Variants in RPP14 observed in about 807,000 individuals in gnomAD.
The protein encoded by RPP14 is ribonuclease P protein subunit p14.
Under a neutral mutation model 17.8 loss-of-function variants are expected in RPP14, and 19 were observed. That is an observed-to-expected ratio of 1.07 (90% CI 0.74 to 1.57). RPP14 has a LOEUF of 1.57. Ranked by LOEUF, RPP14 falls within the 40% of genes most tolerant of loss-of-function variation. The pLI, the probability that RPP14 is intolerant of heterozygous loss-of-function variation, is 0.00. For missense variants in RPP14, 125 were observed against 140.8 expected (o/e 0.89, Z 0.57); for synonymous variants, 60 against 56.4 (o/e 1.06, Z -0.29).
At chr3:58,308,720 A>T (rs2107498857) in intron 1 of RPP14, among the ~76,000 whole-genome samples, 1 of 152,338 alleles carries the variant, frequency 6.6e-6, no homozygotes, top group African/African-American at 2.4e-5. Context: ...ACCTTGGATA[A>T]GTCCCTTTCC....
intron 5 of RPP14, 120 bp from the exon 6 acceptor site, chr3:58,317,320 G>A (rs995077697): frequency 2.1e-5 from 14 of 669,518 alleles, no homozygotes; most frequent in Non-Finnish European, 3.7e-5. Context: ...CTCTCAGGAT[G>A]CTCTGTAAAA....
At chr3:58,307,035 C>G (rs548212959) in intron 1 of RPP14, among the ~76,000 whole-genome samples, 11 of 152,244 alleles carry the variant, frequency 7.2e-5, no homozygotes, top group Admixed American at 1.3e-4. Context: ...GGTGTGAGTC[C>G]GGTGGCTGCC....
intron 1 of RPP14, among the ~76,000 whole-genome samples, chr3:58,309,443 C>T (rs2097479674): frequency 1.3e-5 from 2 of 152,144 alleles, no homozygotes; most frequent in South Asian, 2.1e-4. Context: ...GCTGGGTGCT[C>T]ATAAGGAAAA....
Position 58,319,118 on chromosome 3 carries a change from T to C in RPP14, c.*1622T>C, listed in dbSNP as rs1027300437. On this transcript the variant is annotated 3_prime_UTR_variant, in exon 6 of 6. Transcript: ENST00000295959. ...CTGTATTTTAACTGTGTAACAATTA[T>C]TGAAGGCGAAAATAGAAGTTGGGTC... is the stretch of plus-strand genomic sequence containing the variant. 1.3e-5 allele frequency: 2 copies of C among 152,246 alleles called. No homozygotes were observed. The highest frequency in any genetic ancestry group is 2.4e-5 in the African/African-American group (1 of 41,470). The allele number at this position is 152,246 out of a possible 1,614,324, so 9.4% of individuals were successfully genotyped here.
intron 1 of RPP14, among the ~76,000 whole-genome samples, chr3:58,309,147 C>G (rs1039909538): frequency 6.6e-6 from 1 of 152,142 alleles, no homozygotes; most frequent in Non-Finnish European, 1.5e-5. Flanking sequence ...AACGACCATC[C>G]CTCATTCTTC....
intron 3 of RPP14, among the ~76,000 whole-genome samples, chr3:58,315,390 G>A (rs796447813): frequency 8.5e-5 from 13 of 152,128 alleles, no homozygotes; most frequent in African/African-American, 2.7e-4. Context: ...AGGGGAGGAG[G>A]GGTGGGTGTG....
chr3:58,312,862 G>A (rs2097483788), intron 3 of RPP14, among the ~76,000 whole-genome samples: 1 of 151,256 alleles, frequency 6.6e-6, no homozygotes. Flanking sequence ...TTGGAAGACT[G>A]AGGCAGGAGA....
At chr3:58,317,325 G>A (rs2097489362) in intron 5 of RPP14, 115 bp from the exon 6 acceptor site, 2 of 698,602 alleles carry the variant, frequency 2.9e-6, no homozygotes, top group Middle Eastern at 2.5e-4. Flanking sequence ...AGGATGCTCT[G>A]TAAAATGCTC....
rs2097491500 is a variant in RPP14, at chr3:58,318,974, C to CA, written c.*1479dup. 1 of 147,764 alleles carries CA rather than the reference C, an allele frequency of 6.8e-6. No individual in the cohort carries two copies. Among genetic ancestry groups the CA allele is most frequent in the South Asian group, 2.1e-4 (1 of 4,694 alleles). 9.2% of individuals were successfully genotyped at this position (147,764 alleles called of 1,614,324 possible). ...CACCACTGCACTTCAGCCTGGGTGA[C>CA]AGAGCAAAACTCCACCTCAAAAAAA... is the stretch of plus-strand genomic sequence containing the variant. On this transcript the variant is annotated 3_prime_UTR_variant, in exon 6 of 6. Transcript: ENST00000295959.
intron 3 of RPP14, among the ~76,000 whole-genome samples, chr3:58,313,642 T>G (rs1386097731): frequency 6.6e-6 from 1 of 151,944 alleles, no homozygotes; most frequent in Non-Finnish European, 1.5e-5. Flanking sequence ...GGGTATCTGG[T>G]GAAACCCCAT....
Position 58,319,247 on chromosome 3 carries a change from AGT to A in RPP14, c.*1752_*1753del. On this transcript the variant is annotated 3_prime_UTR_variant, in exon 6 of 6. Transcript: ENST00000295959. ...GTTATTTACACCAAGGTGGCATCTT[AGT>A]CTACCTTCAGTGAGACTTGCGTTTC... 1 of 152,228 alleles carries A rather than the reference AGT, an allele frequency of 6.6e-6. No individual in the cohort carries two copies. Among genetic ancestry groups the A allele is most frequent in the Non-Finnish European group, 1.5e-5 (1 of 68,042 alleles). 9.4% of individuals were successfully genotyped at this position (152,228 alleles called of 1,614,324 possible). A position where few individuals can be genotyped will look rare whatever the true frequency, so the allele number is the denominator to read the frequency against.
rs1032096721 is a variant in RPP14 at position 58,317,074 on chromosome 3, T to C, written c.318+81T>C. ...TCTTAATATACACAACTCATTTTTGTGCTTGCATAAATGTAATATGGTTAA... is the reference window on the plus strand; with the variant it reads ...TCTTAATATACACAACTCATTTTTGCGCTTGCATAAATGTAATATGGTTAA... On this transcript the variant is annotated intron_variant, in intron 5 of 5. Coordinates refer to ENST00000295959, the MANE Select transcript of RPP14 (RefSeq NM_007042.6). The C allele has an allele frequency of 5.0e-6, 5 of 1,009,256 alleles. No individual in the cohort carries two copies. The African/African-American group carries it at 6.4e-5, about 13-fold the overall frequency. The allele number at this position is 1,009,256 out of a possible 1,614,324, so 62.5% of individuals were successfully genotyped here.
chr3:58,309,818 C>T (rs576163691), intron 1 of RPP14, among the ~76,000 whole-genome samples: 5 of 151,712 alleles, frequency 3.3e-5, no homozygotes, highest in South Asian at 2.1e-4. Context: ...CTTGAATCCG[C>T]GAGGCAGAGG....
In RPP14 at chr3:58,316,934, A is replaced by C; in HGVS notation, c.259A>C (p.Ser87Arg). The C allele has an allele frequency of 6.2e-7, 1 of 1,613,786 alleles. No homozygotes were observed. The highest frequency in any genetic ancestry group is 1.1e-5 in the South Asian group (1 of 91,042). ...ICSSGLVKLW[S>R]SLTLLGSYKG... Reference sequence around the variant, plus strand: ...CTGCAGTGGTCTTGTCAAATTGTGGAGCTCTTTGACCCTGTTAGGATCCTA... The same window carrying C: ...CTGCAGTGGTCTTGTCAAATTGTGGCGCTCTTTGACCCTGTTAGGATCCTA... The change falls in exon 5 of 6, where the codon AGC (serine) becomes CGC (arginine). Residue 87 changes from serine (S) to arginine (R), a missense_variant. Coordinates refer to ENST00000295959, the MANE Select transcript of RPP14 (RefSeq NM_007042.6).
rs1559797001 is a variant in RPP14 at position 58,318,320 on chromosome 3, A to T, written c.*824A>T. 2 of 451,006 alleles carry T rather than the reference A, an allele frequency of 4.4e-6. No homozygotes were observed. The highest frequency in any genetic ancestry group is 1.1e-4 in the South Asian group (2 of 18,930). 27.9% of individuals were successfully genotyped at this position (451,006 alleles called of 1,614,324 possible). A position where few individuals can be genotyped will look rare whatever the true frequency, so the allele number is the denominator to read the frequency against. ...TCATGCAGACTTGAGTGTATGCAGGATTTCATTATCTGCCTGGGTTTTTTG... is the reference window on the plus strand; with the variant it reads ...TCATGCAGACTTGAGTGTATGCAGGTTTTCATTATCTGCCTGGGTTTTTTG... On this transcript the variant is annotated 3_prime_UTR_variant, in exon 6 of 6. Transcript: ENST00000295959.
intron 1 of RPP14, among the ~76,000 whole-genome samples, chr3:58,307,016 G>T (rs73835146): frequency 0.062 from 9,449 of 152,292 alleles, 1,013 homozygotes; most frequent in African/African-American, 0.22. Context: ...AAGCCAGGAA[G>T]GGGGCAAGGG....
chr3:58,316,985 G>A lies in RPP14; in HGVS notation c.310G>A (p.Val104Met). 6.2e-7 allele frequency: 1 copy of A among 1,612,938 alleles called. No homozygotes were observed. Among genetic ancestry groups the A allele is most frequent in the South Asian group, 1.1e-5 (1 of 91,000 alleles). The change falls in exon 5 of 6, where the codon GTG (valine) becomes ATG (methionine). Residue 104 changes from valine (V) to methionine (M), a missense_variant. Physicochemically the swap from Val to Met is conservative, Grantham distance 21 (BLOSUM62 1). Coordinates refer to ENST00000295959, the MANE Select transcript of RPP14 (RefSeq NM_007042.6). Reference sequence around the variant, plus strand: ...TAAAGGCAAAAAATGTGCTTTCCGGGTGATTCAGGTAAAGACTATTCCCTC... The same window carrying A: ...TAAAGGCAAAAAATGTGCTTTCCGGATGATTCAGGTAAAGACTATTCCCTC... ...SYKGKKCAFR[V>M]IQVSPFLLAL...
intron 3 of RPP14, 124 bp from the exon 4 acceptor site, chr3:58,316,391 A>G: frequency 1.2e-6 from 1 of 827,286 alleles, no homozygotes; most frequent in Non-Finnish European, 2.0e-6. Flanking sequence ...AAGTGCCAGC[A>G]CCATTAAATA....
chr3:58,318,044 G>A lies in RPP14; in HGVS notation c.*548G>A, dbSNP rs1471995843. The A allele has an allele frequency of 1.4e-5, 10 of 699,388 alleles. No individual in the cohort carries two copies. Among genetic ancestry groups the A allele is most frequent in the Non-Finnish European group, 2.6e-5 (10 of 384,212 alleles). The allele number at this position is 699,388 out of a possible 1,614,324, so 43.3% of individuals were successfully genotyped here. ...TTCATTGCTATTATTGCAGTGTCAT[G>A]TTCTGTAATAGAAAGTAAAAAGACT... On this transcript the variant is annotated 3_prime_UTR_variant, in exon 6 of 6. Coordinates refer to ENST00000295959, the MANE Select transcript of RPP14 (RefSeq NM_007042.6).
Sources: allele counts gnomAD v4.1 joint callset (sites outside exome capture counted in the v4.1 genomes callset), GRCh38; gene constraint gnomAD v4.1.1; transcripts MANE v1.5; gene names NCBI Gene and HGNC (gene_info 2026-07-23, HGNC 2026-07-21).